The following GCG variants were observed in gnomAD, a reference collection of about 807,000 sequenced individuals.
GCG encodes the protein glucagon, also known as pro-glucagon.
Under a neutral mutation model 22.8 loss-of-function variants are expected in GCG, and 11 were observed. The observed-to-expected ratio is 0.48, with a 90% CI of 0.30 to 0.80. GCG has a LOEUF of 0.80. Among genes scored for constraint, GCG ranks in the 30% least tolerant of loss-of-function variants. GCG has a pLI of 0.06. For missense variants in GCG, 222 were observed against 222.0 expected (o/e 1.00, Z 0.00); for synonymous variants, 89 against 72.4 (o/e 1.23, Z -1.16).
chr2:162,143,598 T>G (rs567071487), intron 5 of GCG, among the ~76,000 whole-genome samples: 1 of 152,280 alleles, frequency 6.6e-6, no homozygotes, highest in Non-Finnish European at 1.5e-5. Flanking sequence ...TATTAAAAAA[T>G]CAAAATTCAT....
In GCG at chr2:162,151,918, G is replaced by T. The variant is rs527646080; in HGVS notation, c.-10+240C>A. Among the ~76,000 whole-genome samples, 5 of 151,550 alleles carry T rather than the reference G, an allele frequency of 3.3e-5. No homozygotes were observed. The South Asian group carries it at 1.0e-3, about 32-fold the overall frequency. On this transcript the variant is annotated intron_variant, in intron 1 of 5. Transcript: ENST00000418842. ...AACAAGTGCATTGATTTGAATCTTT[G>T]TTTTTTTTCTGTTTTATATTTTTGC...
rs1323102565 is a variant in GCG, at chr2:162,152,224, T to G, written c.-76A>C. The stretch of plus-strand genomic sequence containing the variant: ...GCAAGCCCTCTTTGGGAACTTTTGA[T>G]GTGCTCTGTGTCCTAAGCTCTGTAC... On this transcript the variant is annotated 5_prime_UTR_variant, in exon 1 of 6. Transcript: ENST00000418842. 2 of 152,654 alleles carry G rather than the reference T, an allele frequency of 1.3e-5. No individual in the cohort carries two copies. Among genetic ancestry groups the G allele is most frequent in the Non-Finnish European group, 2.9e-5 (2 of 68,056 alleles). The allele number at this position is 152,654 out of a possible 1,614,324, so 9.5% of individuals were successfully genotyped here. A position where few individuals can be genotyped will look rare whatever the true frequency, so the allele number is the denominator to read the frequency against.
intron 3 of GCG, among the ~76,000 whole-genome samples, chr2:162,147,105 A>T (rs1686707034): frequency 6.6e-6 from 1 of 152,098 alleles, no homozygotes; most frequent in Admixed American, 6.6e-5. Context: ...TATTGCTAGG[A>T]CTACCACTGG....
chr2:162,145,651 T>G lies in GCG; in HGVS notation c.281A>C (p.Glu94Ala). 1.9e-6 allele frequency: 3 copies of G among 1,610,926 alleles called. No individual in the cohort carries two copies. In the African/African-American group the frequency reaches 4.0e-5, roughly 22 times the overall value. ...NRNNIAKRHD[E>A]FERHAEGTFT... ...GGTCCCTTCAGCATGTCTCTCAAAT[T>G]CATCGTGACGTTTGGCAATGTTATT... The change falls in exon 4 of 6, where the codon GAA becomes GCA. Residue 94 changes from glutamate (E) to alanine (A), a missense_variant. Coordinates refer to ENST00000418842, the MANE Select transcript of GCG (RefSeq NM_002054.5).
chr2:162,146,538 T>TTCTCTCTCTC lies in GCG; in HGVS notation c.254+805_254+814dup, dbSNP rs59717414. Among the ~76,000 whole-genome samples, 317 of 133,508 alleles carry TTCTCTCTCTC rather than the reference T, an allele frequency of 2.4e-3. 1 individual carries two copies. Among genetic ancestry groups the TTCTCTCTCTC allele is most frequent in the East Asian group, 0.013 (59 of 4,430 alleles). The allele number at this position is 133,508 out of a possible 152,430, so 87.6% of individuals were successfully genotyped here. A position where few individuals can be genotyped will look rare whatever the true frequency, so the allele number is the denominator to read the frequency against. ...TTCTCCTATTCCTCCTGCTTGCTTGTTCTCTCTCTCTCTCTCTCTCTCTCT... is the reference window on the plus strand; with the variant it reads ...TTCTCCTATTCCTCCTGCTTGCTTGTTCTCTCTCTCTCTCTCTCTCTCTCTCTCTCTCTCT... On this transcript the variant is annotated intron_variant, in intron 3 of 5. Coordinates refer to ENST00000418842, the MANE Select transcript of GCG (RefSeq NM_002054.5).
intron 1 of GCG, among the ~76,000 whole-genome samples, chr2:162,151,281 C>T (rs1452731735): frequency 6.6e-6 from 1 of 152,056 alleles, no homozygotes; most frequent in Non-Finnish European, 1.5e-5. Context: ...GTTCTATCCC[C>T]AAATGTGTTG....
chr2:162,147,279 A>T, intron 3 of GCG, 74 bp downstream of exon 3: 1 of 1,106,826 alleles, frequency 9.0e-7, no homozygotes, highest in Non-Finnish European at 1.3e-6. Flanking sequence ...ATAAGAACTT[A>T]ATAATGTCAA....
chr2:162,148,969 T>A (rs768988244), intron 2 of GCG, 118 bp downstream of exon 2: 27 of 648,088 alleles, frequency 4.2e-5, no homozygotes, highest in African/African-American at 1.1e-4. Context: ...CTTTAAACAT[T>A]TGATCATTGT....
rs777264513 is a variant in GCG, at chr2:162,144,157, C to T, written c.406G>A (p.Val136Ile). ...CGGCCAAGTTCTTCAACAATGGCGA[C>T]CTCTTCTGGGAAACTAAGAAAATAA... is the stretch of plus-strand genomic sequence containing the variant. Reference protein sequence around the residue: ...GRGRRDFPEEVAIVEELGRRH... With the variant: ...GRGRRDFPEEIAIVEELGRRH... The change falls in exon 5 of 6, where the codon GTC becomes ATC. Residue 136 changes from valine to isoleucine, a missense_variant. Coordinates refer to ENST00000418842, the MANE Select transcript of GCG (RefSeq NM_002054.5). 3.1e-6 allele frequency: 5 copies of T among 1,611,370 alleles called. No homozygotes were observed. The South Asian group carries it at 3.3e-5, about 11-fold the overall frequency.
chr2:162,150,102 T>C (rs756671193), intron 1 of GCG, among the ~76,000 whole-genome samples: 4 of 152,090 alleles, frequency 2.6e-5, no homozygotes, highest in Non-Finnish European at 4.4e-5. Flanking sequence ...GATGATGCAG[T>C]GTCGACGGGG....
In GCG at chr2:162,149,206, G is replaced by C. The variant is rs1420239174; in HGVS notation, c.-9-19C>G. 4 of 1,462,634 alleles carry C rather than the reference G, an allele frequency of 2.7e-6. No individual in the cohort carries two copies. The highest frequency in any genetic ancestry group is 9.6e-7 in the Non-Finnish European group (1 of 1,043,638). The allele number at this position is 1,462,634 out of a possible 1,614,324, so 90.6% of individuals were successfully genotyped here. A position where few individuals can be genotyped will look rare whatever the true frequency, so the allele number is the denominator to read the frequency against. On this transcript the variant is annotated intron_variant, in intron 1 of 5. Coordinates refer to ENST00000418842, the MANE Select transcript of GCG (RefSeq NM_002054.5). ...CTGCTGTCTGTCAGAACACAGAATG[G>C]GGGTAGGGTGAGGGGGGCAGGCAAG...
At position 162,149,099 on chromosome 2, in the gene GCG, T is replaced by C; in HGVS notation, c.80A>G (p.Glu27Gly). Residue 27 changes from glutamate to glycine, a missense_variant, in exon 2 of 6, where the codon GAG (glutamate) becomes GGG (glycine). By Grantham distance (98) the Glu-to-Gly change is moderately conservative (BLOSUM62 -2). Coordinates refer to ENST00000418842, the MANE Select transcript of GCG (RefSeq NM_002054.5). ...ACGGATTTAATACCTGGATTTCTCC[T>C]CTGTGTCTTGAAGGGAACGTTGCCA... ...GSWQRSLQDT[E>G]EKSRSFSASQ... 1 of 1,604,158 alleles carries C rather than the reference T, an allele frequency of 6.2e-7. No homozygotes were observed. Among genetic ancestry groups the C allele is most frequent in the Non-Finnish European group, 8.5e-7 (1 of 1,171,254 alleles).
intron 1 of GCG, among the ~76,000 whole-genome samples, chr2:162,151,582 G>T (rs1326535978): frequency 6.6e-6 from 1 of 152,108 alleles, no homozygotes; most frequent in African/African-American, 2.4e-5. Flanking sequence ...GATGACACTT[G>T]TTCTCTGCAC....
intron 4 of GCG, 139 bp downstream of exon 4, chr2:162,145,401 T>C (rs1267357525): frequency 5.3e-6 from 4 of 752,524 alleles, no homozygotes; most frequent in Non-Finnish European, 8.2e-6. Flanking sequence ...TTATATACTG[T>C]TTTTCATCAA....
chr2:162,149,012 AT>A, intron 2 of GCG, 74 bp downstream of exon 2: 2 of 837,404 alleles, frequency 2.4e-6, no homozygotes, highest in Non-Finnish European at 4.0e-6. Context: ...CTGAGACCTT[AT>A]TCACTAATCA....
At chr2:162,148,333 T>C (rs1686746592) in intron 2 of GCG, among the ~76,000 whole-genome samples, 1 of 152,090 alleles carries the variant, frequency 6.6e-6, no homozygotes, top group South Asian at 2.1e-4. Context: ...GTAAGAAATG[T>C]AGGAAAGTGT....
intron 3 of GCG, 146 bp from the exon 4 acceptor site, chr2:162,145,823 G>A (rs185590637): frequency 1.9e-5 from 12 of 615,600 alleles, no homozygotes; most frequent in South Asian, 1.5e-4. Flanking sequence ...GGGATTTGTC[G>A]TGAAGCTACA....
Position 162,145,537 on chromosome 2 carries a change from T to C in GCG, c.392+3A>G, listed in dbSNP as rs1686662580. 1.9e-6 allele frequency: 3 copies of C among 1,606,044 alleles called. No individual in the cohort carries two copies. Among genetic ancestry groups the C allele is most frequent in the Non-Finnish European group, 8.5e-7 (1 of 1,176,736 alleles). ...AATGTCAAATAAGAATGTACAGACT[T>C]ACTCTCGCCTTCCTCGGCCTTTCAC... On this transcript the variant is annotated splice_donor_region_variant and intron_variant, in intron 4 of 5. Transcript: ENST00000418842.
intron 2 of GCG, 115 bp from the exon 3 acceptor site, chr2:162,147,629 A>G (rs763315136): frequency 1.1e-6 from 1 of 905,118 alleles, no homozygotes. Context: ...AGGCATCTAG[A>G]GTATTTCAAT....
Sources: gnomAD v4.1 joint callset for allele counts (sites outside exome capture counted in the v4.1 genomes callset) on GRCh38, gnomAD v4.1.1 for gene constraint, MANE v1.5 for transcripts, NCBI Gene and HGNC (gene_info 2026-07-23, HGNC 2026-07-21) for gene names.